ESRRG: variants seen among roughly 807,000 people sequenced by gnomAD.
ESRRG encodes the protein estrogen-related receptor gamma.
Under a neutral mutation model 44.0 loss-of-function variants are expected in ESRRG, and 13 were observed. The observed-to-expected ratio is 0.30, with a 90% CI of 0.19 to 0.47. The LOEUF is 0.47. ESRRG is among the 20% of genes least tolerant of loss of function. The pLI is 1.00. For missense variants in ESRRG, 395 were observed against 580.6 expected, an observed-to-expected ratio of 0.68 and a Z score of 3.29; for synonymous variants, 215 against 214.6, an observed-to-expected ratio of 1.00 and a Z score of -0.02.
At chr1:216,510,063 C>T (rs1215055405) in intron 6 of ESRRG, among the ~76,000 whole-genome samples, 1 of 152,156 alleles carries the variant, frequency 6.6e-6, no homozygotes, top group African/African-American at 2.4e-5. Context: ...TAGGAACCAG[C>T]TAAACTTAAT....
intron 2 of ESRRG, among the ~76,000 whole-genome samples, chr1:216,885,914 T>C (rs2096509512): frequency 6.6e-6 from 1 of 151,988 alleles, no homozygotes; most frequent in African/African-American, 2.4e-5. Context: ...AAGGCCAAAC[T>C]CATGCCTCAT....
intron 1 of ESRRG, among the ~76,000 whole-genome samples, chr1:217,108,585 G>C (rs1469869123): frequency 1.3e-5 from 2 of 152,120 alleles, no homozygotes; most frequent in East Asian, 3.9e-4. Context: ...TATCCCCTTG[G>C]TGCTGTCTTG....
intron 6 of ESRRG, among the ~76,000 whole-genome samples, chr1:216,512,139 G>A (rs1392081078): frequency 1.3e-5 from 2 of 152,166 alleles, no homozygotes; most frequent in East Asian, 3.9e-4. Context: ...AATAAATTTA[G>A]GTAATGAACG....
chr1:216,995,640 G>A (rs2076282263), intron 1 of ESRRG, among the ~76,000 whole-genome samples: 1 of 152,122 alleles, frequency 6.6e-6, no homozygotes, highest in African/African-American at 2.4e-5. Flanking sequence ...TCTAGGTTGG[G>A]TGTTATTCTT....
At chr1:216,743,952 A>G (rs2091069711) in intron 2 of ESRRG, among the ~76,000 whole-genome samples, 2 of 152,182 alleles carry the variant, frequency 1.3e-5, no homozygotes, top group African/African-American at 4.8e-5. Flanking sequence ...CTTAATCATT[A>G]TATTGACTGC....
chr1:217,045,302 A>C (rs531997536), intron 1 of ESRRG, among the ~76,000 whole-genome samples: 13 of 152,332 alleles, frequency 8.5e-5, no homozygotes, highest in Admixed American at 6.5e-5. Flanking sequence ...CAAAAACCCC[A>C]TAAGACCAGG....
At chr1:216,942,593 A>G (rs1023459410) in intron 1 of ESRRG, among the ~76,000 whole-genome samples, 3 of 152,138 alleles carry the variant, frequency 2.0e-5, no homozygotes, top group Admixed American at 6.5e-5. Context: ...TTCATTTTTA[A>G]TAATAGCCAC....
intron 1 of ESRRG, among the ~76,000 whole-genome samples, chr1:216,708,937 CCAT>C (rs2082993627): frequency 6.6e-6 from 1 of 152,084 alleles, no homozygotes; most frequent in South Asian, 2.1e-4. Context: ...AAGCTGGAAA[CCAT>C]CATTCTCAGC....
chr1:216,507,273 T>C, intron 6 of ESRRG, 90 bp from the exon 7 acceptor site: 1 of 895,696 alleles, frequency 1.1e-6, no homozygotes, highest in South Asian at 2.3e-5. Context: ...TTAATTTAAT[T>C]ATTTTTGAAC....
chr1:216,967,168 C>T (rs1347265947), intron 1 of ESRRG, among the ~76,000 whole-genome samples: 2 of 145,904 alleles, frequency 1.4e-5, no homozygotes, highest in Non-Finnish European at 3.1e-5. Context: ...TACACAGCAT[C>T]GCCCCCCCTC....
rs190547603 is a variant in ESRRG at position 216,882,172 on chromosome 1, T to C, written c.-14+57410A>G. 3.4e-3 allele frequency among the ~76,000 whole-genome samples: 524 copies of C among 152,234 alleles called. 1 individual carries two copies. Among genetic ancestry groups the C allele is most frequent in the African/African-American group, 0.012 (511 of 41,536 alleles). The stretch of plus-strand genomic sequence containing the variant: ...AGTTGAGTTCAGAGAGTGTCAGTGA[T>C]TTTTCCAAGGTTATGTGGGTGATGG... On this transcript the variant is annotated intron_variant, in intron 2 of 7. Coordinates refer to the ESRRG transcript ENST00000359162.
chr1:217,097,844 A>G (rs886374179), intron 1 of ESRRG, among the ~76,000 whole-genome samples: 1 of 1,722 alleles, frequency 5.8e-4, no homozygotes, highest in African/African-American at 6.5e-4. Flanking sequence ...CAGGCTGCTT[A>G]AAAAAAAAAA....
chr1:216,813,091 G>T lies in ESRRG; in HGVS notation c.-14+126491C>A, dbSNP rs577643821. Among the ~76,000 whole-genome samples the T allele has an allele frequency of 2.0e-5, 3 of 152,292 alleles. No individual in the cohort carries two copies. The South Asian group carries it at 6.2e-4, about 32-fold the overall frequency. On this transcript the variant is annotated intron_variant, in intron 2 of 7. Transcript: ENST00000359162. ...TTAAGCTGGATGCAGTTGCTACACA[G>T]ATGCCCAGTCACTAACAGATCTCGT...
chr1:217,050,142 C>A (rs2085643775), intron 1 of ESRRG, among the ~76,000 whole-genome samples: 1 of 152,092 alleles, frequency 6.6e-6, no homozygotes, highest in Non-Finnish European at 1.5e-5. Flanking sequence ...CCTATGTGAT[C>A]CTCTGACCTG....
At chr1:216,810,812 T>C (rs898188663) in intron 2 of ESRRG, among the ~76,000 whole-genome samples, 1 of 149,062 alleles carries the variant, frequency 6.7e-6, no homozygotes, top group African/African-American at 2.4e-5. Context: ...AACTATGATA[T>C]ATATACATAT....
chr1:216,544,960 T>A (rs1396498731), intron 5 of ESRRG, among the ~76,000 whole-genome samples: 2 of 152,022 alleles, frequency 1.3e-5, no homozygotes, highest in East Asian at 3.9e-4. Flanking sequence ...CAATAAGAAT[T>A]GAATTATGTA....
intron 2 of ESRRG, among the ~76,000 whole-genome samples, chr1:216,861,284 A>AT (rs1364923608): frequency 6.6e-6 from 1 of 152,070 alleles, no homozygotes; most frequent in East Asian, 1.9e-4. Flanking sequence ...AAATATTCTA[A>AT]TTAAAAAGTA....
At chr1:217,038,530 TC>T (rs2083307716) in intron 1 of ESRRG, among the ~76,000 whole-genome samples, 1 of 152,236 alleles carries the variant, frequency 6.6e-6, no homozygotes, top group African/African-American at 2.4e-5. Context: ...GTTTGGGGTT[TC>T]CACCCTTTGA....
At position 216,850,698 on chromosome 1, in the gene ESRRG, C is replaced by T. The variant is rs183808072; in HGVS notation, c.-14+88884G>A. On this transcript the variant is annotated intron_variant, in intron 2 of 7. Transcript: ENST00000359162. ...TAATATGAAAAGATATATATCATTT[C>T]CCCTAGAAATTAAACTCTTCCTGTG... Among the ~76,000 whole-genome samples the T allele has an allele frequency of 5.4e-3, 827 of 152,026 alleles. 5 individuals are homozygous for T. The highest frequency in any genetic ancestry group is 0.019 in the African/African-American group (777 of 41,476).
Sources: gnomAD v4.1 joint callset for allele counts (sites outside exome capture counted in the v4.1 genomes callset) on GRCh38, gnomAD v4.1.1 for gene constraint, MANE v1.5 for transcripts, NCBI Gene and HGNC (gene_info 2026-07-23, HGNC 2026-07-21) for gene names.